The following CFAP47 variants were observed in gnomAD, a reference collection of about 807,000 sequenced individuals.
The protein encoded by CFAP47 is cilia and flagella associated protein 47, also known as cilia- and flagella-associated protein 47.
CFAP47 carries 29 observed loss-of-function variants against 148.1 expected under a neutral mutation model. The ratio of observed to expected loss-of-function variants is 0.20; its 90% CI spans 0.15 to 0.27. The LOEUF is 0.27. CFAP47 is among the 10% of genes least tolerant of loss of function. The pLI is 1.00. For missense variants in CFAP47, 1,872 were observed against 1,697.5 expected (o/e 1.10, Z -1.81); for synonymous variants, 664 against 577.3 (o/e 1.15, Z -2.15).
At chrX:36,371,954 A>G (rs190498957) in intron 62 of CFAP47, among the ~76,000 whole-genome samples, 201 of 94,209 alleles carry the variant, frequency 2.1e-3, no homozygotes, top group African/African-American at 7.9e-3. Context: ...ATGTGTGTGT[A>G]TATATACACA....
In CFAP47 at chrX:36,074,387, C is replaced by T. The variant is rs144073400; in HGVS notation, c.4691+1023C>T. On this transcript the variant is annotated intron_variant, in intron 29 of 63. Transcript: ENST00000378653. ...TCACAGCAATAAGGAAGATAAGGCC[C>T]GGTTCATTTGTTGATTGCTGAGATA... 9.7e-4 allele frequency among the ~76,000 whole-genome samples: 108 copies of T among 111,320 alleles called. 1 individual carries two copies. In the East Asian group the frequency reaches 0.024, roughly 24 times the overall value.
intron 29 of CFAP47, among the ~76,000 whole-genome samples, chrX:36,084,600 CAGTT>C (rs1302543908): frequency 2.7e-5 from 3 of 111,658 alleles, no homozygotes. Flanking sequence ...TCATTGCTAA[CAGTT>C]AGACAATGTG....
At chrX:36,332,928 T>A (rs1286511490) in intron 57 of CFAP47, among the ~76,000 whole-genome samples, 2 of 112,123 alleles carry the variant, frequency 1.8e-5, no homozygotes, top group African/African-American at 6.5e-5. Flanking sequence ...TACATAGGTT[T>A]AGGTAATTAG....
At chrX:35,969,060 GT>G (rs1373575181) in intron 10 of CFAP47, among the ~76,000 whole-genome samples, 1 of 109,692 alleles carries the variant, frequency 9.1e-6, no homozygotes, top group East Asian at 2.8e-4. Flanking sequence ...TTAATATTTT[GT>G]TTCTGTCTCT....
At chrX:36,199,406 A>G (rs1385966749) in intron 42 of CFAP47, among the ~76,000 whole-genome samples, 4 of 112,122 alleles carry the variant, frequency 3.6e-5, no homozygotes, top group South Asian at 3.7e-4. Context: ...CTGCCCTTGC[A>G]TTATTCCTGC....
At chrX:36,022,383 C>G (rs1937170195) in intron 22 of CFAP47, among the ~76,000 whole-genome samples, 1 of 111,478 alleles carries the variant, frequency 9.0e-6, no homozygotes. Flanking sequence ...TTTGTTTCTT[C>G]TCTTTTGTCT....
chrX:36,081,199 T>A (rs959892572), intron 29 of CFAP47, among the ~76,000 whole-genome samples: 1 of 111,638 alleles, frequency 9.0e-6, no homozygotes, highest in Non-Finnish European at 1.9e-5. Context: ...CAAAGGATCC[T>A]AAGAGATGTT....
chrX:36,101,505 G>T (rs922019158), intron 32 of CFAP47, among the ~76,000 whole-genome samples: 1 of 111,547 alleles, frequency 9.0e-6, no homozygotes, highest in African/African-American at 3.3e-5. Context: ...TCAGAGTAAT[G>T]AGCAATTTCT....
At chrX:36,045,475 C>A (rs1421422456) in intron 25 of CFAP47, among the ~76,000 whole-genome samples, 3 of 111,555 alleles carry the variant, frequency 2.7e-5, no homozygotes, top group Non-Finnish European at 3.8e-5. Context: ...CCAAGGCCCT[C>A]AATGTAGTAC....
At chrX:36,104,358 T>G (rs965536606) in intron 32 of CFAP47, 141 bp from the exon 33 acceptor site, 7 of 322,425 alleles carry the variant, frequency 2.2e-5, no homozygotes, top group Non-Finnish European at 3.3e-5. Flanking sequence ...TCTACTCTTT[T>G]ACTTCTGATT....
chrX:36,345,398 C>T (rs1261603600), intron 57 of CFAP47, among the ~76,000 whole-genome samples: 1 of 110,840 alleles, frequency 9.0e-6, no homozygotes, highest in Non-Finnish European at 1.9e-5. Context: ...TTCTCATAAG[C>T]AGCCTGCAAC....
At chrX:36,321,446 A>C (rs946343633) in intron 57 of CFAP47, among the ~76,000 whole-genome samples, 1 of 111,723 alleles carries the variant, frequency 9.0e-6, no homozygotes, top group South Asian at 3.8e-4. Context: ...AGAATGAATA[A>C]GTTCTGGTAT....
chrX:35,940,302 A>C (rs1343569326), intron 2 of CFAP47, among the ~76,000 whole-genome samples: 2 of 111,223 alleles, frequency 1.8e-5, no homozygotes, highest in Non-Finnish European at 3.8e-5. Context: ...GAGTTTAATT[A>C]GATCCCATTT....
intron 37 of CFAP47, among the ~76,000 whole-genome samples, chrX:36,151,405 T>C (rs1277604194): frequency 2.7e-5 from 3 of 111,951 alleles, no homozygotes; most frequent in Non-Finnish European, 5.6e-5. Context: ...TAATATTTAT[T>C]CAACATTTGC....
intron 57 of CFAP47, among the ~76,000 whole-genome samples, chrX:36,342,854 A>G (rs781846025): frequency 2.7e-5 from 3 of 111,534 alleles, no homozygotes; most frequent in South Asian, 7.5e-4. Flanking sequence ...GGTTTGTTAC[A>G]TAGGTATACA....
At chrX:36,228,320 A>C (rs1555991810) in intron 45 of CFAP47, among the ~76,000 whole-genome samples, 1 of 110,988 alleles carries the variant, frequency 9.0e-6, no homozygotes, top group Non-Finnish European at 1.9e-5. Context: ...TTTTCCCCTG[A>C]CCTCTCAGCC....
intron 48 of CFAP47, among the ~76,000 whole-genome samples, chrX:36,250,416 T>A (rs1328169653): frequency 9.1e-6 from 1 of 109,901 alleles, no homozygotes; most frequent in Admixed American, 9.8e-5. Flanking sequence ...TGGGGGGAGT[T>A]GTTGGAGAGA....
At chrX:35,968,718 G>A (rs971212454) in intron 10 of CFAP47, among the ~76,000 whole-genome samples, 1 of 110,733 alleles carries the variant, frequency 9.0e-6, no homozygotes, top group Non-Finnish European at 1.9e-5. Flanking sequence ...TTTTTCTATA[G>A]TCTATCTTAT....
chrX:36,036,199 G>T (rs1014572988), intron 24 of CFAP47, among the ~76,000 whole-genome samples: 1 of 110,357 alleles, frequency 9.1e-6, no homozygotes, highest in Admixed American at 9.7e-5. Context: ...TTTGATCAAC[G>T]TCTCCCCATT....
Sources: gnomAD v4.1 joint callset for allele counts (sites outside exome capture counted in the v4.1 genomes callset) on GRCh38, gnomAD v4.1.1 for gene constraint, MANE v1.5 for transcripts, NCBI Gene and HGNC (gene_info 2026-07-23, HGNC 2026-07-21) for gene names.